The following WDFY3 variants were observed in gnomAD, a reference collection of about 807,000 sequenced individuals.
WDFY3 encodes WD repeat and FYVE domain-containing protein 3.
A neutral mutation model predicts 409.6 loss-of-function variants in WDFY3; 66 were observed. That is an observed-to-expected ratio of 0.16 (90% confidence interval 0.13 to 0.20). WDFY3 has a LOEUF of 0.20. WDFY3 is among the 10% of genes least tolerant of loss of function. The pLI, the probability that WDFY3 is intolerant of heterozygous loss-of-function variation, is 1.00. For synonymous variants in WDFY3, 1,521 were observed against 1,537.1 expected (o/e 0.99, Z 0.25); for missense variants, 3,031 against 4,298.1 (o/e 0.71, Z 8.24).
chr4:84,908,107 A>G (rs1273582904), intron 2 of WDFY3, among the ~76,000 whole-genome samples: 1 of 152,190 alleles, frequency 6.6e-6, no homozygotes, highest in Non-Finnish European at 1.5e-5. Context: ...TAAAGGCAAT[A>G]AGGAGACACT....
intron 1 of WDFY3, among the ~76,000 whole-genome samples, chr4:84,939,891 C>G (rs577647997): frequency 2.0e-5 from 3 of 152,114 alleles, no homozygotes; most frequent in Non-Finnish European, 2.9e-5. Context: ...TAGGTATGCT[C>G]TTTGCCTCTT....
chr4:84,791,392 C>A (rs1037680445), intron 21 of WDFY3, among the ~76,000 whole-genome samples: 8 of 152,032 alleles, frequency 5.3e-5, no homozygotes, highest in African/African-American at 1.9e-4. Flanking sequence ...TCGCCAAGGG[C>A]TTGAGGGAGG....
intron 62 of WDFY3, among the ~76,000 whole-genome samples, 171 bp from the exon 63 acceptor site, chr4:84,684,296 A>C (rs1169793360): frequency 1.3e-5 from 2 of 151,972 alleles, no homozygotes; most frequent in Non-Finnish European, 2.9e-5. Flanking sequence ...AAAAAAAAAT[A>C]CTCCGAACAG....
chr4:84,959,008 G>A (rs1774584529), intron 1 of WDFY3, among the ~76,000 whole-genome samples: 2 of 152,102 alleles, frequency 1.3e-5, no homozygotes. Flanking sequence ...AATGTACTAT[G>A]TATTATAATA....
intron 49 of WDFY3, 48 bp downstream of exon 49, chr4:84,716,848 T>C: frequency 5.8e-6 from 8 of 1,384,808 alleles, no homozygotes; most frequent in Non-Finnish European, 7.5e-6. Flanking sequence ...AACAATACAT[T>C]TTCAGAATAA....
intron 36 of WDFY3, among the ~76,000 whole-genome samples, chr4:84,748,969 G>GC (rs1341997292): frequency 1.3e-5 from 2 of 151,512 alleles, no homozygotes; most frequent in Non-Finnish European, 2.9e-5. Flanking sequence ...ACGGCTCACT[G>GC]CAACTTTGAA....
chr4:84,860,155 C>T (rs1233949030), intron 4 of WDFY3, among the ~76,000 whole-genome samples: 1 of 152,146 alleles, frequency 6.6e-6, no homozygotes, highest in East Asian at 1.9e-4. Context: ...ATAACAGGGC[C>T]ATTTTAGACA....
At chr4:84,900,723 T>C (rs1456548855) in intron 2 of WDFY3, among the ~76,000 whole-genome samples, 2 of 152,184 alleles carry the variant, frequency 1.3e-5, no homozygotes, top group Non-Finnish European at 2.9e-5. Flanking sequence ...AGGAAGTTTT[T>C]TGGGTGATAA....
chr4:84,808,404 T>C lies in WDFY3; in HGVS notation c.2359A>G (p.Ile787Val). 6.2e-7 allele frequency: 1 copy of C among 1,613,874 alleles called. No homozygotes were observed. The highest frequency in any genetic ancestry group is 8.5e-7 in the Non-Finnish European group (1 of 1,179,810). ...TDSFDSRAEQ[I>V]PPCLTSESSL... Reference sequence around the variant, plus strand: ...GACTCACTTGTCAGGCAAGGAGGGATCTGTTCTGCACGACTACAGACAACA... The same window carrying C: ...GACTCACTTGTCAGGCAAGGAGGGACCTGTTCTGCACGACTACAGACAACA... Residue 787 changes from isoleucine to valine, a missense_variant, in exon 15 of 68, where the codon ATC (isoleucine) becomes GTC (valine). Ile to Val is a conservative substitution (Grantham distance 29). Transcript: ENST00000295888.
chr4:84,763,432 T>C lies in WDFY3; in HGVS notation c.5188+2378A>G, dbSNP rs1347109934. 5.3e-5 allele frequency among the ~76,000 whole-genome samples: 8 copies of C among 151,870 alleles called. No individual in the cohort carries two copies. The East Asian group carries it at 1.5e-3, about 29-fold the overall frequency. ...AATTAGGACAAATACCCAATGCATG[T>C]GGGGCTTAAAACCTAGATGACGGGC... On this transcript the variant is annotated intron_variant, in intron 32 of 67. Coordinates refer to ENST00000295888, the MANE Select transcript of WDFY3 (RefSeq NM_014991.6).
chr4:84,713,142 AG>A lies in WDFY3; in HGVS notation c.8042+16del. 2 of 1,612,688 alleles carry A rather than the reference AG, an allele frequency of 1.2e-6. No individual in the cohort carries two copies. Among genetic ancestry groups the A allele is most frequent in the South Asian group, 1.1e-5 (1 of 91,046 alleles). On this transcript the variant is annotated intron_variant, in intron 51 of 67. Coordinates refer to ENST00000295888, the MANE Select transcript of WDFY3 (RefSeq NM_014991.6). ...CTTCACTATTAAACTGTAACATGCA[AG>A]GAACAAACCACCTACCCCTGCTCCA...
At chr4:84,739,287 T>C in intron 39 of WDFY3, 168 bp from the exon 40 acceptor site, 2 of 597,594 alleles carry the variant, frequency 3.3e-6, no homozygotes, top group Non-Finnish European at 2.9e-6. Flanking sequence ...TAAGAGGTGA[T>C]CAAATAAATC....
intron 1 of WDFY3, among the ~76,000 whole-genome samples, chr4:84,963,715 G>A (rs1181961198): frequency 2.0e-5 from 3 of 152,070 alleles, no homozygotes; most frequent in African/African-American, 7.2e-5. Flanking sequence ...TCAATCAAAT[G>A]GTATTACCGA....
At chr4:84,920,591 T>C (rs1769141889) in intron 2 of WDFY3, among the ~76,000 whole-genome samples, 1 of 152,200 alleles carries the variant, frequency 6.6e-6, no homozygotes, top group Non-Finnish European at 1.5e-5. Context: ...TTGCAACTTT[T>C]ATGCAAGTTT....
In WDFY3 at chr4:84,672,834, A is replaced by G; in HGVS notation, c.*34T>C. ...GGACAGGAGAATCGGGAAGGGGTCT[A>G]CAGACCATGGTCTCCACTCAGCTTG... On this transcript the variant is annotated 3_prime_UTR_variant, in exon 68 of 68. Coordinates refer to ENST00000295888, the MANE Select transcript of WDFY3 (RefSeq NM_014991.6). 1 of 1,613,286 alleles carries G rather than the reference A, an allele frequency of 6.2e-7. No homozygotes were observed. The highest frequency in any genetic ancestry group is 8.5e-7 in the Non-Finnish European group (1 of 1,179,604).
intron 13 of WDFY3, among the ~76,000 whole-genome samples, chr4:84,814,182 A>G (rs769707041): frequency 6.6e-6 from 1 of 152,212 alleles, no homozygotes; most frequent in African/African-American, 2.4e-5. Flanking sequence ...AGAAGTAGAT[A>G]TAAGAAAACT....
At position 84,783,076 on chromosome 4, in the gene WDFY3, T is replaced by TG; in HGVS notation, c.4063-3dup. 5.0e-6 allele frequency: 8 copies of TG among 1,610,826 alleles called. No individual in the cohort carries two copies. The highest frequency in any genetic ancestry group is 5.9e-6 in the Non-Finnish European group (7 of 1,178,188). On this transcript the variant is annotated splice_region_variant and splice_polypyrimidine_tract_variant and intron_variant, in intron 24 of 67. Transcript: ENST00000295888. ...ATTCTCATGTGAGGAAATGCCTAAC[T>TG]GAAAAATAGGAAAGGAAAAGAATGT... is the stretch of plus-strand genomic sequence containing the variant.
chr4:84,901,588 C>T (rs962750674), intron 2 of WDFY3, among the ~76,000 whole-genome samples: 2 of 152,126 alleles, frequency 1.3e-5, no homozygotes, highest in African/African-American at 4.8e-5. Flanking sequence ...AGAAAACAGA[C>T]TAAGACACCA....
At chr4:84,860,310 C>T (rs1760425850) in intron 4 of WDFY3, 102 bp downstream of exon 4, 1 of 1,337,554 alleles carries the variant, frequency 7.5e-7, no homozygotes. Flanking sequence ...TTAAAACTAA[C>T]TCAGCCTATC....
Sources: allele counts gnomAD v4.1 joint callset (sites outside exome capture counted in the v4.1 genomes callset), GRCh38; gene constraint gnomAD v4.1.1; transcripts MANE v1.5; gene names NCBI Gene and HGNC (gene_info 2026-07-23, HGNC 2026-07-21).